The following LMX1B variants were observed in gnomAD, a reference collection of about 807,000 sequenced individuals.
LMX1B encodes LIM homeobox transcription factor 1 beta.
In LMX1B, 12 loss-of-function variants were observed where a neutral mutation model predicts 51.4. That is an observed-to-expected ratio of 0.23 (90% CI 0.15 to 0.38). The LOEUF (loss-of-function observed/expected upper bound fraction) is 0.38. Ranked by LOEUF, LMX1B falls within the 10% of genes least tolerant of loss-of-function variation. The pLI is 1.00. For synonymous variants in LMX1B, 237 were observed against 235.4 expected (o/e 1.01, Z -0.06); for missense variants, 445 against 571.1 (o/e 0.78, Z 2.25).
rs186204665 is a variant in LMX1B at position 126,672,489 on chromosome 9, A to T, written c.327-18347A>T. ...TTATTTTATTTTTTTTCCCAGAGAA[A>T]CAATAGTTGCCCCTCTCCCGAGTCT... On this transcript the variant is annotated intron_variant, in intron 2 of 7. Coordinates refer to ENST00000373474, the MANE Select transcript of LMX1B (RefSeq NM_001174147.2). 2.2e-4 allele frequency among the ~76,000 whole-genome samples: 34 copies of T among 152,242 alleles called. 1 individual carries two copies. Among genetic ancestry groups the T allele is most frequent in the Non-Finnish European group, 1.9e-4 (13 of 68,018 alleles).
intron 2 of LMX1B, among the ~76,000 whole-genome samples, chr9:126,627,482 G>C (rs1835556874): frequency 6.6e-6 from 1 of 152,056 alleles, no homozygotes; most frequent in South Asian, 2.1e-4. Flanking sequence ...GCTCACTCAT[G>C]CCTTGGCCCA....
chr9:126,696,030 G>A lies in LMX1B; in HGVS notation c.1051+27G>A, dbSNP rs146424259. On this transcript the variant is annotated intron_variant, in intron 7 of 7. Coordinates refer to ENST00000373474, the MANE Select transcript of LMX1B (RefSeq NM_001174147.2). Reference sequence around the variant, plus strand: ...TAAGCCGCCCTACCCCCACCCGCCCGCCCCAGCACAGCCCCTGCCCCCTGC... The same window carrying A: ...TAAGCCGCCCTACCCCCACCCGCCCACCCCAGCACAGCCCCTGCCCCCTGC... 0.026 allele frequency: 18,316 copies of A among 694,688 alleles called. 139 individuals are homozygous for A. Among genetic ancestry groups the A allele is most frequent in the Non-Finnish European group, 0.029 (16,426 of 564,146 alleles). 43.0% of individuals were successfully genotyped at this position (694,688 alleles called of 1,614,324 possible).
In LMX1B at chr9:126,626,692, G is replaced by A. The variant is rs1835538826; in HGVS notation, c.326+11123G>A. 6.6e-6 allele frequency among the ~76,000 whole-genome samples: 1 copy of A among 152,214 alleles called. No homozygotes were observed. The highest frequency in any genetic ancestry group is 6.5e-5 in the Admixed American group (1 of 15,288). ...AAATAAGCCTTGTTTGGAAAGGGGT[G>A]GGTGGGGGGCGTCGAGCGAGCGAGG... is the stretch of plus-strand genomic sequence containing the variant. On this transcript the variant is annotated intron_variant, in intron 2 of 7. Coordinates refer to ENST00000373474, the MANE Select transcript of LMX1B (RefSeq NM_001174147.2). The surrounding 1 kb of genome is among the most constrained non-coding windows in gnomAD (Gnocchi z 4.3).
At position 126,618,878 on chromosome 9, in the gene LMX1B, C is replaced by T. The variant is rs895536836; in HGVS notation, c.326+3309C>T. ...GTAAGACAGCTCCCAGGTTTGGCGA[C>T]CCGAGACCCGCTGGGGTGCAAGCGG... is the stretch of plus-strand genomic sequence containing the variant. On this transcript the variant is annotated intron_variant, in intron 2 of 7. Transcript: ENST00000373474. This position sits in a 1 kb window ranked among gnomAD's most constrained non-coding sequence, Gnocchi z 4.5. Among the ~76,000 whole-genome samples the T allele has an allele frequency of 2.0e-5, 3 of 151,990 alleles. No individual in the cohort carries two copies. Among genetic ancestry groups the T allele is most frequent in the African/African-American group, 7.3e-5 (3 of 41,366 alleles).
chr9:126,693,559 T>C lies in LMX1B; in HGVS notation c.777T>C (p.Ser259=), dbSNP rs1458590617. The change falls in exon 5 of 8, where the codon AGT becomes AGC. Residue 259 remains serine (S), a synonymous_variant. Coordinates refer to ENST00000373474, the MANE Select transcript of LMX1B (RefSeq NM_001174147.2). ...CACTGGCAGCTGAGACGGGCCTCAG[T>C]GTGCGCGTGGTCCAGGTCTGGTTTC... The part of the protein sequence containing the change: ...RETLAAETGL[S]VRVVQVWFQN... 1.9e-6 allele frequency: 3 copies of C among 1,614,120 alleles called. No individual in the cohort carries two copies. Among genetic ancestry groups the C allele is most frequent in the Non-Finnish European group, 2.5e-6 (3 of 1,179,984 alleles).
intron 2 of LMX1B, among the ~76,000 whole-genome samples, chr9:126,678,068 T>C (rs1425900877): frequency 6.6e-6 from 1 of 152,084 alleles, no homozygotes; most frequent in Non-Finnish European, 1.5e-5. Flanking sequence ...CCCAGCACTT[T>C]GGGATGCCAA....
At chr9:126,684,705 A>C (rs1836740657) in intron 2 of LMX1B, among the ~76,000 whole-genome samples, 1 of 152,136 alleles carries the variant, frequency 6.6e-6, no homozygotes. Flanking sequence ...GGCCTGGTCC[A>C]ATCACTTCCA....
intron 2 of LMX1B, among the ~76,000 whole-genome samples, chr9:126,667,724 G>A (rs1162052845): frequency 6.6e-6 from 1 of 152,222 alleles, no homozygotes; most frequent in Non-Finnish European, 1.5e-5. Context: ...GAACCCACAG[G>A]TCTCTGGGGA....
chr9:126,663,257 T>C (rs1200032337), intron 2 of LMX1B, among the ~76,000 whole-genome samples: 2 of 151,720 alleles, frequency 1.3e-5, no homozygotes, highest in African/African-American at 4.8e-5. Context: ...TGAAACCCCA[T>C]CTCTACTAAA....
intron 2 of LMX1B, among the ~76,000 whole-genome samples, chr9:126,675,922 A>G (rs1481204638): frequency 2.2e-5 from 3 of 136,090 alleles, no homozygotes; most frequent in East Asian, 2.3e-4. Context: ...GGTAGCGGGC[A>G]CCTGTAGTCC....
chr9:126,685,748 T>C (rs1836756879), intron 2 of LMX1B, among the ~76,000 whole-genome samples: 1 of 151,202 alleles, frequency 6.6e-6, no homozygotes, highest in African/African-American at 2.4e-5. Flanking sequence ...AAGCGGAGAG[T>C]TAGGGTGGTA....
At position 126,696,463 on chromosome 9, in the gene LMX1B, G is replaced by A. The variant is rs2030340820; in HGVS notation, c.*12G>A. On this transcript the variant is annotated 3_prime_UTR_variant, in exon 8 of 8. Coordinates refer to ENST00000373474, the MANE Select transcript of LMX1B (RefSeq NM_001174147.2). ...ACTTCGCCTCCTGAGAGCCAGCCAGGCGCACGGACGCTTGGGCAGGGGCCT... is the reference window on the plus strand; with the variant it reads ...ACTTCGCCTCCTGAGAGCCAGCCAGACGCACGGACGCTTGGGCAGGGGCCT... 6.2e-7 allele frequency: 1 copy of A among 1,613,674 alleles called. No homozygotes were observed. The highest frequency in any genetic ancestry group is 8.5e-7 in the Non-Finnish European group (1 of 1,179,832).
intron 2 of LMX1B, among the ~76,000 whole-genome samples, chr9:126,635,420 C>T (rs963927400): frequency 2.0e-5 from 3 of 152,238 alleles, no homozygotes; most frequent in Non-Finnish European, 2.9e-5. Context: ...GGCGAGGGCA[C>T]TCCAGGCTGA....
At chr9:126,691,120 G>A (rs1205244296) in intron 3 of LMX1B, 52 bp downstream of exon 3, 2 of 1,446,616 alleles carry the variant, frequency 1.4e-6, no homozygotes, top group Admixed American at 3.9e-5. Context: ...GGTTGCTGGG[G>A]TGTCCTGGAG....
chr9:126,642,561 C>T (rs1279346587), intron 2 of LMX1B, among the ~76,000 whole-genome samples: 1 of 152,220 alleles, frequency 6.6e-6, no homozygotes, highest in Non-Finnish European at 1.5e-5. Flanking sequence ...GAGGGGCTGG[C>T]CCTGCCTCCT....
chr9:126,675,269 T>G (rs562121619), intron 2 of LMX1B, among the ~76,000 whole-genome samples: 1 of 152,280 alleles, frequency 6.6e-6, no homozygotes, highest in African/African-American at 2.4e-5. Flanking sequence ...GATACGTCTC[T>G]GGAGGAGGGT....
chr9:126,676,031 AG>A (rs1415098231), intron 2 of LMX1B, among the ~76,000 whole-genome samples: 3 of 147,568 alleles, frequency 2.0e-5, no homozygotes, highest in African/African-American at 7.7e-5. Context: ...CCTGGGCGAC[AG>A]AGCGAGACTC....
chr9:126,615,364 T>A lies in LMX1B; in HGVS notation c.140-19T>A. The A allele has an allele frequency of 6.4e-7, 1 of 1,551,568 alleles. No individual in the cohort carries two copies. The highest frequency in any genetic ancestry group is 8.7e-7 in the Non-Finnish European group (1 of 1,153,696). ...GCCGGGCGGCGCTGACGGCCGGGCTTTCGCCCTGTGCGCTACAGGCTCCGA... is the reference window on the plus strand; with the variant it reads ...GCCGGGCGGCGCTGACGGCCGGGCTATCGCCCTGTGCGCTACAGGCTCCGA... On this transcript the variant is annotated intron_variant, in intron 1 of 7. Coordinates refer to ENST00000373474, the MANE Select transcript of LMX1B (RefSeq NM_001174147.2). The surrounding 1 kb of genome is among the most constrained non-coding windows in gnomAD (Gnocchi z 6.0).
In LMX1B at chr9:126,677,614, GAAGA is replaced by G. The variant is rs1468314905; in HGVS notation, c.327-13221_327-13218del. Among the ~76,000 whole-genome samples the G allele has an allele frequency of 1.3e-5, 2 of 152,174 alleles. No homozygotes were observed. Among genetic ancestry groups the G allele is most frequent in the African/African-American group, 2.4e-5 (1 of 41,432 alleles). ...TCACCAGCCGGGTGACCTGTGTAAG[GAAGA>G]GACTCCTACCTCCGGTAGTGGTCAT... is the stretch of plus-strand genomic sequence containing the variant. On this transcript the variant is annotated intron_variant, in intron 2 of 7. Transcript: ENST00000373474. The surrounding 1 kb of genome is among the most constrained non-coding windows in gnomAD (Gnocchi z 5.0).
Sources: allele counts gnomAD v4.1 joint callset (sites outside exome capture counted in the v4.1 genomes callset), GRCh38; gene constraint gnomAD v4.1.1; non-coding constraint Gnocchi (gnomAD v3.1); transcripts MANE v1.5; gene names NCBI Gene and HGNC (gene_info 2026-07-23, HGNC 2026-07-21).